ECE1: variants seen among roughly 807,000 people sequenced by gnomAD.
ECE1 encodes endothelin-converting enzyme 1.
In ECE1, 35 loss-of-function variants were observed where a neutral mutation model predicts 98.6. That is an observed-to-expected ratio of 0.35 (90% confidence interval 0.27 to 0.47). The LOEUF (loss-of-function observed/expected upper bound fraction) is 0.47. ECE1 is among the 20% of genes least tolerant of loss of function. The pLI is 1.00. For missense variants in ECE1, 814 were observed against 1,025.3 expected, an observed-to-expected ratio of 0.79 and a Z score of 2.81; for synonymous variants, 394 against 407.1, an observed-to-expected ratio of 0.97 and a Z score of 0.39.
Position 21,272,881 on chromosome 1 carries a change from C to A in ECE1, c.311G>T (p.Cys104Phe). 1 of 1,614,182 alleles carries A rather than the reference C, an allele frequency of 6.2e-7. No individual in the cohort carries two copies. Among genetic ancestry groups the A allele is most frequent in the Non-Finnish European group, 8.5e-7 (1 of 1,180,022 alleles). ...RSPSVCLSEA[C>F]VSVTSSILSS... ...CAAGATGGAGCTGGTCACTGAGACA[C>A]AAGCTTCGCTCAGGCACACAGAGGG... The change falls in exon 4 of 19, where the codon TGT (cysteine) becomes TTT (phenylalanine). Residue 104 changes from cysteine to phenylalanine, a missense_variant. This residue lies in a region of ECE1 where 257 missense variants were observed against 278.9 expected (regional missense o/e 0.92). Transcript: ENST00000374893.
intron 1 of ECE1, among the ~76,000 whole-genome samples, chr1:21,312,492 T>C (rs940919887): frequency 1.3e-5 from 2 of 152,138 alleles, no homozygotes; most frequent in African/African-American, 4.8e-5. Context: ...GGCACACACC[T>C]ATCATCCTAG....
chr1:21,268,922 C>G lies in ECE1; in HGVS notation c.493+3777G>C, dbSNP rs28367965. 2.1e-4 allele frequency among the ~76,000 whole-genome samples: 32 copies of G among 152,338 alleles called. No homozygotes were observed. The South Asian group carries it at 3.7e-3, about 18-fold the overall frequency. Reference sequence around the variant, plus strand: ...TGAGGGGCCATTTCCAGACTAGTTCCGAGGACTGAGCCTTGAGGGAGAGGA... The same window carrying G: ...TGAGGGGCCATTTCCAGACTAGTTCGGAGGACTGAGCCTTGAGGGAGAGGA... On this transcript the variant is annotated intron_variant, in intron 4 of 18. Transcript: ENST00000374893.
At chr1:21,342,607 TAC>T (rs71014187) in intron 1 of ECE1, among the ~76,000 whole-genome samples, 69,567 of 139,424 alleles carry the variant, frequency 0.5, 17,285 homozygotes, top group Admixed American at 0.59. Flanking sequence ...CACACACAGA[TAC>T]ACACACACAC....
chr1:21,304,273 G>T (rs760046156), intron 1 of ECE1, among the ~76,000 whole-genome samples: 1 of 131,420 alleles, frequency 7.6e-6, no homozygotes, highest in East Asian at 2.5e-4. Flanking sequence ...CCGAGATCGC[G>T]CCACGGCACT....
chr1:21,335,866 G>A (rs1436509656), intron 1 of ECE1, among the ~76,000 whole-genome samples: 3 of 152,192 alleles, frequency 2.0e-5, no homozygotes, highest in African/African-American at 7.2e-5. Context: ...GGAAAGTGAG[G>A]ACTATGGAGG....
chr1:21,325,322 C>G (rs1299176906), intron 1 of ECE1, among the ~76,000 whole-genome samples: 1 of 152,228 alleles, frequency 6.6e-6, no homozygotes, highest in Non-Finnish European at 1.5e-5. Flanking sequence ...TCGAGCGGTT[C>G]CCCTTCAGCG....
In ECE1 at chr1:21,342,267, A is replaced by G. The variant is rs544884389; in HGVS notation, c.3+3109T>C. 3.3e-5 allele frequency among the ~76,000 whole-genome samples: 5 copies of G among 152,012 alleles called. No homozygotes were observed. In the South Asian group the frequency reaches 6.2e-4, roughly 19 times the overall value. ...TGATGGGTTGGGTCTCCTTCCCCCAACTGTCTGCCAGGTTACCCCTCCAAA... is the reference window on the plus strand; with the variant it reads ...TGATGGGTTGGGTCTCCTTCCCCCAGCTGTCTGCCAGGTTACCCCTCCAAA... On this transcript the variant is annotated intron_variant, in intron 1 of 18. Transcript: ENST00000415912.
At position 21,225,883 on chromosome 1, in the gene ECE1, T is replaced by TG. The variant is rs892272111; in HGVS notation, c.1850-444dup. Among the ~76,000 whole-genome samples the TG allele has an allele frequency of 4.6e-5, 7 of 151,468 alleles. No individual in the cohort carries two copies. The highest frequency in any genetic ancestry group is 1.7e-4 in the African/African-American group (7 of 41,230). ...TTTCTGTTTTTTTTTTTAGTAGAGA[T>TG]GGGGTCTCACCATGTTGGCCAGGCT... On this transcript the variant is annotated intron_variant, in intron 16 of 18. Coordinates refer to ENST00000374893, the MANE Select transcript of ECE1 (RefSeq NM_001397.3). This position sits in a 1 kb window ranked among gnomAD's most constrained non-coding sequence, Gnocchi z 5.3.
At chr1:21,277,500 T>A (rs1442194590) in intron 3 of ECE1, among the ~76,000 whole-genome samples, 1 of 152,060 alleles carries the variant, frequency 6.6e-6, no homozygotes, top group African/African-American at 2.4e-5. Flanking sequence ...TAGAGCTGAT[T>A]TAGGCTGAGG....
chr1:21,260,141 T>C lies in ECE1; in HGVS notation c.615+130A>G. 7.2e-7 allele frequency: 1 copy of C among 1,384,468 alleles called. No individual in the cohort carries two copies. Among genetic ancestry groups the C allele is most frequent in the Non-Finnish European group, 1.0e-6 (1 of 978,496 alleles). 85.8% of individuals were successfully genotyped at this position (1,384,468 alleles called of 1,614,324 possible). On this transcript the variant is annotated intron_variant, in intron 5 of 18. Transcript: ENST00000374893. This position sits in a 1 kb window ranked among gnomAD's most constrained non-coding sequence, Gnocchi z 4.3. ...CTCGCACACTCGCTCTCTCTCTTTCTGTCTTTCTCTTGGTGCTACCGGCTG... is the reference window on the plus strand; with the variant it reads ...CTCGCACACTCGCTCTCTCTCTTTCCGTCTTTCTCTTGGTGCTACCGGCTG...
At chr1:21,329,915 C>A (rs1270324750) in intron 1 of ECE1, among the ~76,000 whole-genome samples, 1 of 152,106 alleles carries the variant, frequency 6.6e-6, no homozygotes, top group East Asian at 1.9e-4. Flanking sequence ...GTCTCACCTC[C>A]CAAGGCTAGG....
chr1:21,229,576 TA>T (rs976205078), intron 14 of ECE1, among the ~76,000 whole-genome samples: 38 of 152,130 alleles, frequency 2.5e-4, no homozygotes, highest in African/African-American at 8.5e-4. Context: ...ATATGAGATT[TA>T]AAAAAATGTT....
intron 3 of ECE1, 66 bp from the exon 4 acceptor site, chr1:21,272,977 G>C: frequency 1.3e-6 from 2 of 1,578,480 alleles, no homozygotes; most frequent in Non-Finnish European, 1.7e-6. Flanking sequence ...GGGCAGAGAA[G>C]GGGGCTTGGG....
chr1:21,227,920 A>G lies in ECE1; in HGVS notation c.1781+11T>C. The G allele has an allele frequency of 6.5e-7, 1 of 1,549,694 alleles. No individual in the cohort carries two copies. Among genetic ancestry groups the G allele is most frequent in the Non-Finnish European group, 8.7e-7 (1 of 1,145,488 alleles). ...AAAAGAATTGGGGTAGGGGCCCCAG[A>G]GGCAGCCTACTTGGGTGAGGAGCGT... On this transcript the variant is annotated intron_variant, in intron 15 of 18. Coordinates refer to ENST00000374893, the MANE Select transcript of ECE1 (RefSeq NM_001397.3).
rs1196850455 is a variant in ECE1, at chr1:21,225,511, T to G, written c.1850-71A>C. 13 of 1,551,902 alleles carry G rather than the reference T, an allele frequency of 8.4e-6. No individual in the cohort carries two copies. The Admixed American group carries it at 1.6e-4, about 20-fold the overall frequency. ...GCAGGGACCTGCTGCTCCTCCCTGCTCCTGGTGAGAAGCGGTTCATCCGTC... is the reference window on the plus strand; with the variant it reads ...GCAGGGACCTGCTGCTCCTCCCTGCGCCTGGTGAGAAGCGGTTCATCCGTC... On this transcript the variant is annotated intron_variant, in intron 16 of 18. Coordinates refer to ENST00000374893, the MANE Select transcript of ECE1 (RefSeq NM_001397.3). The surrounding 1 kb of genome is among the most constrained non-coding windows in gnomAD (Gnocchi z 5.3).
chr1:21,310,751 C>G (rs938589185), intron 1 of ECE1, among the ~76,000 whole-genome samples: 1 of 152,166 alleles, frequency 6.6e-6, no homozygotes, highest in African/African-American at 2.4e-5. Flanking sequence ...CTCTGGTCAC[C>G]TTGGCTCTCC....
intron 4 of ECE1, among the ~76,000 whole-genome samples, chr1:21,261,212 T>C (rs1342259754): frequency 6.6e-6 from 1 of 152,190 alleles, no homozygotes; most frequent in Non-Finnish European, 1.5e-5. Context: ...CTCAATTCCA[T>C]CTGTCCCTCT....
At chr1:21,305,201 T>C (rs1249314940) in intron 1 of ECE1, among the ~76,000 whole-genome samples, 1 of 152,196 alleles carries the variant, frequency 6.6e-6, no homozygotes, top group Non-Finnish European at 1.5e-5. Context: ...GCCGTTTCTA[T>C]CATCCCAGAA....
intron 2 of ECE1, among the ~76,000 whole-genome samples, chr1:21,288,686 G>C (rs182302390): frequency 1.1e-3 from 164 of 152,336 alleles, no homozygotes; most frequent in African/African-American, 3.8e-3. Context: ...ATTCTGTTTT[G>C]ATTTGAGAAG....
Sources: gnomAD v4.1 joint callset for allele counts (sites outside exome capture counted in the v4.1 genomes callset) on GRCh38, gnomAD v4.1.1 for gene constraint, gnomAD v4.1.1 regional missense constraint, Gnocchi (gnomAD v3.1) non-coding constraint, MANE v1.5 for transcripts, NCBI Gene and HGNC (gene_info 2026-07-23, HGNC 2026-07-21) for gene names.